Variants in LRRIQ1 observed in about 807,000 individuals in gnomAD.
LRRIQ1 encodes leucine rich repeats and IQ motif containing 1, also known as leucine-rich repeat- and IQ domain-containing protein 1.
Under a neutral mutation model 211.9 loss-of-function variants are expected in LRRIQ1, and 210 were observed. The observed-to-expected ratio is 0.99, with a 90% CI of 0.89 to 1.11. LRRIQ1 has a LOEUF of 1.11. Among genes scored for constraint, LRRIQ1 ranks in the 50% most tolerant of loss-of-function variants. LRRIQ1 has a pLI of 0.00. For missense variants in LRRIQ1, 2,136 were observed against 1,939.5 expected (o/e 1.10, Z -1.90); for synonymous variants, 699 against 650.1 (o/e 1.08, Z -1.14).
intron 19 of LRRIQ1, among the ~76,000 whole-genome samples, chr12:85,142,864 T>G (rs1231125040): frequency 2.0e-5 from 3 of 151,642 alleles, no homozygotes; most frequent in Admixed American, 1.3e-4. Flanking sequence ...TATCCATTGA[T>G]GGACACAGTT....
chr12:85,045,700 A>G (rs1234390344), intron 4 of LRRIQ1, among the ~76,000 whole-genome samples: 1 of 151,916 alleles, frequency 6.6e-6, no homozygotes, highest in Non-Finnish European at 1.5e-5. Flanking sequence ...GAATATATTA[A>G]AAGGAAAACA....
chr12:85,256,887 C>A (rs1468326952), intron 1 of LRRIQ1, among the ~76,000 whole-genome samples: 2 of 148,224 alleles, frequency 1.3e-5, no homozygotes, highest in Non-Finnish European at 1.5e-5. Flanking sequence ...TGTTTATATT[C>A]TAAAATAAAT....
At chr12:85,252,445 A>T (rs940008367) in intron 1 of LRRIQ1, among the ~76,000 whole-genome samples, 2 of 151,988 alleles carry the variant, frequency 1.3e-5, no homozygotes, top group Non-Finnish European at 2.9e-5. Context: ...AATGTAATTT[A>T]ATAATTAGAT....
the LRRIQ1 span, among the ~76,000 whole-genome samples, chr12:85,270,318 A>T: frequency 6.6e-6 from 1 of 152,120 alleles, no homozygotes; most frequent in African/African-American, 2.4e-5. Flanking sequence ...TGTTAATGAC[A>T]GAGTTAGGAG....
chr12:85,054,958 T>A (rs1880804898), intron 7 of LRRIQ1, among the ~76,000 whole-genome samples: 1 of 152,140 alleles, frequency 6.6e-6, no homozygotes, highest in Non-Finnish European at 1.5e-5. Context: ...TTTTCTCACC[T>A]AACTCTAAAT....
chr12:85,091,904 T>A (rs750614895), intron 11 of LRRIQ1, among the ~76,000 whole-genome samples: 4 of 152,208 alleles, frequency 2.6e-5, no homozygotes, highest in Non-Finnish European at 5.9e-5. Context: ...AATCCAGGCC[T>A]CACAGCAGAA....
At chr12:85,038,743 G>A (rs1878496493) in intron 2 of LRRIQ1, among the ~76,000 whole-genome samples, 1 of 151,528 alleles carries the variant, frequency 6.6e-6, no homozygotes, top group Non-Finnish European at 1.5e-5. Flanking sequence ...GTTATGAAAT[G>A]TAGAACTAAT....
At chr12:85,221,779 T>C (rs191797249) in intron 24 of LRRIQ1, among the ~76,000 whole-genome samples, 90 of 152,332 alleles carry the variant, frequency 5.9e-4, no homozygotes, top group African/African-American at 2.0e-3. Context: ...GTAAGACCTA[T>C]ACTTTATGGA....
intron 18 of LRRIQ1, among the ~76,000 whole-genome samples, chr12:85,131,364 G>A (rs1239959224): frequency 6.6e-6 from 1 of 151,958 alleles, no homozygotes; most frequent in African/African-American, 2.4e-5. Flanking sequence ...TTAAAGTGCT[G>A]TCCCACTGGC....
rs889792229 is a variant in LRRIQ1, at chr12:85,263,170, G to A, written c.*110G>A. 5.1e-6 allele frequency: 3 copies of A among 586,296 alleles called. No individual in the cohort carries two copies. The African/African-American group carries it at 6.1e-5, about 12-fold the overall frequency. 36.3% of individuals were successfully genotyped at this position (586,296 alleles called of 1,614,324 possible). ...GTTTTAGACTCCTATATTTAATTTG[G>A]TTTATTATACGTATTTCACAAGTTT... On this transcript the variant is annotated 3_prime_UTR_variant, in exon 2 of 2. Transcript: ENST00000602731.
chr12:85,120,407 A>G (rs1005175710), intron 15 of LRRIQ1, among the ~76,000 whole-genome samples: 22 of 152,186 alleles, frequency 1.4e-4, no homozygotes, highest in African/African-American at 5.1e-4. Context: ...TCTTTCACCA[A>G]TACCATACTG....
intron 6 of LRRIQ1, among the ~76,000 whole-genome samples, chr12:85,049,281 C>A (rs1353838941): frequency 6.6e-6 from 1 of 152,154 alleles, no homozygotes; most frequent in African/African-American, 2.4e-5. Context: ...ATTCCTCCCC[C>A]CTCATTATTA....
intron 11 of LRRIQ1, among the ~76,000 whole-genome samples, chr12:85,087,160 T>C (rs1884915612): frequency 6.6e-6 from 1 of 152,070 alleles, no homozygotes; most frequent in African/African-American, 2.4e-5. Context: ...TTCTCATTGT[T>C]CAATTCCCAC....
At chr12:85,196,471 A>G (rs1291981905) in intron 24 of LRRIQ1, among the ~76,000 whole-genome samples, 2 of 152,058 alleles carry the variant, frequency 1.3e-5, no homozygotes, top group Admixed American at 1.3e-4. Flanking sequence ...ACTGGTACCA[A>G]AACAGAGATA....
chr12:85,145,813 C>G (rs1211883384), intron 19 of LRRIQ1, among the ~76,000 whole-genome samples: 1 of 151,686 alleles, frequency 6.6e-6, no homozygotes, highest in Non-Finnish European at 1.5e-5. Flanking sequence ...CTCTGCCTTC[C>G]CATTCTGTTA....
intron 15 of LRRIQ1, among the ~76,000 whole-genome samples, chr12:85,115,410 A>G (rs953422657): frequency 2.6e-5 from 4 of 152,220 alleles, no homozygotes; most frequent in Admixed American, 6.5e-5. Context: ...CAATCTGGAT[A>G]CTGATTATAT....
At chr12:85,218,117 G>C (rs577195470) in intron 24 of LRRIQ1, among the ~76,000 whole-genome samples, 6 of 152,008 alleles carry the variant, frequency 3.9e-5, no homozygotes, top group African/African-American at 1.4e-4. Context: ...TCTTCTTATC[G>C]TGTGGAAATT....
chr12:85,180,203 A>G (rs1373631846), intron 24 of LRRIQ1, among the ~76,000 whole-genome samples: 2 of 151,918 alleles, frequency 1.3e-5, no homozygotes, highest in Non-Finnish European at 2.9e-5. Context: ...TTTCCTACTG[A>G]AGTTCAACCA....
chr12:85,100,903 T>C, intron 13 of LRRIQ1, among the ~76,000 whole-genome samples: 1 of 151,842 alleles, frequency 6.6e-6, no homozygotes, highest in South Asian at 2.1e-4. Flanking sequence ...TTTTAATTTA[T>C]GCTCTTACAT....
Sources: gnomAD v4.1 joint callset for allele counts (sites outside exome capture counted in the v4.1 genomes callset) on GRCh38, gnomAD v4.1.1 for gene constraint, MANE v1.5 for transcripts, NCBI Gene and HGNC (gene_info 2026-07-23, HGNC 2026-07-21) for gene names.